Variants in NLGN1 observed in about 807,000 individuals in gnomAD.
NLGN1 encodes the protein neuroligin 1, also known as neuroligin-1.
Under a neutral mutation model 65.5 loss-of-function variants are expected in NLGN1, and 12 were observed. The ratio of observed to expected loss-of-function variants is 0.18; its 90% confidence interval spans 0.12 to 0.30. The LOEUF (loss-of-function observed/expected upper bound fraction) is 0.30. Among genes scored for constraint, NLGN1 ranks in the 10% least tolerant of loss-of-function variants. The pLI, the probability that NLGN1 is intolerant of heterozygous loss-of-function variation, is 1.00. For missense variants in NLGN1, 750 were observed against 1,007.1 expected (o/e 0.74, Z 3.46); for synonymous variants, 350 against 359.5 (o/e 0.97, Z 0.30).
chr3:173,697,688 C>T (rs946597317), intron 3 of NLGN1, among the ~76,000 whole-genome samples: 4 of 152,064 alleles, frequency 2.6e-5, no homozygotes, highest in East Asian at 1.9e-4. Flanking sequence ...CCACCAAGCC[C>T]GGCTAATTTT....
intron 4 of NLGN1, among the ~76,000 whole-genome samples, chr3:174,081,880 A>G (rs1309369143): frequency 6.6e-6 from 1 of 152,038 alleles, no homozygotes; most frequent in Non-Finnish European, 1.5e-5. Context: ...CTAGGTTTTC[A>G]ACATATGAAT....
intron 4 of NLGN1, among the ~76,000 whole-genome samples, chr3:174,163,759 G>T (rs1233445189): frequency 3.3e-5 from 5 of 151,994 alleles, no homozygotes; most frequent in Non-Finnish European, 7.4e-5. Flanking sequence ...CAAAGGAAAT[G>T]ATTTTGTTCT....
In NLGN1 at chr3:173,629,786, TA is replaced by T. The variant is rs898162581; in HGVS notation, c.493+24703del. ...TATAAATGTATATCTCTCCATTGCT[TA>T]AAAAAAAGAGACACGACTGTGTTAA... is the stretch of plus-strand genomic sequence containing the variant. On this transcript the variant is annotated intron_variant, in intron 3 of 6. Transcript: ENST00000457714. Among the ~76,000 whole-genome samples, 6 of 151,530 alleles carry T rather than the reference TA, an allele frequency of 4.0e-5. No individual in the cohort carries two copies. In the South Asian group the frequency reaches 1.1e-3, roughly 27 times the overall value.
intron 2 of NLGN1, among the ~76,000 whole-genome samples, chr3:173,492,964 C>G (rs1263320491): frequency 6.6e-6 from 1 of 151,728 alleles, no homozygotes; most frequent in Non-Finnish European, 1.5e-5. Context: ...AGTCTATCCT[C>G]TAGCTCCAGG....
intron 4 of NLGN1, among the ~76,000 whole-genome samples, chr3:173,863,175 C>T (rs1463939083): frequency 6.6e-6 from 1 of 151,170 alleles, no homozygotes; most frequent in Admixed American, 6.6e-5. Flanking sequence ...TTAAAAATTA[C>T]CTATTTGTAT....
intron 3 of NLGN1, among the ~76,000 whole-genome samples, chr3:173,702,336 A>T (rs985632644): frequency 9.2e-5 from 14 of 152,146 alleles, no homozygotes; most frequent in African/African-American, 3.4e-4. Flanking sequence ...GAGTTACTTC[A>T]CGACAAGAAT....
At chr3:174,040,205 C>T (rs1430526584) in intron 4 of NLGN1, among the ~76,000 whole-genome samples, 1 of 151,858 alleles carries the variant, frequency 6.6e-6, no homozygotes, top group Non-Finnish European at 1.5e-5. Context: ...GGACTAGGGG[C>T]TAAAGAAGGC....
intron 4 of NLGN1, among the ~76,000 whole-genome samples, chr3:174,122,477 C>A (rs1203441216): frequency 6.6e-6 from 1 of 152,164 alleles, no homozygotes; most frequent in Non-Finnish European, 1.5e-5. Context: ...GAAAATCCAC[C>A]AGGATCCCTT....
intron 4 of NLGN1, among the ~76,000 whole-genome samples, chr3:173,823,105 CAT>C (rs2150546581): frequency 6.6e-6 from 1 of 152,040 alleles, no homozygotes; most frequent in South Asian, 2.1e-4. Context: ...AAGATATTCG[CAT>C]ATAATTTTTA....
At chr3:174,246,464 G>T (rs1743813949) in intron 4 of NLGN1, among the ~76,000 whole-genome samples, 1 of 152,108 alleles carries the variant, frequency 6.6e-6, no homozygotes, top group Non-Finnish European at 1.5e-5. Context: ...CTGTCACTTA[G>T]GCTGGAATGC....
chr3:174,050,792 G>C (rs1035327746), intron 4 of NLGN1, among the ~76,000 whole-genome samples: 1 of 151,930 alleles, frequency 6.6e-6, no homozygotes, highest in Non-Finnish European at 1.5e-5. Flanking sequence ...GTGAACATAT[G>C]AGTGTTGAAG....
At chr3:173,639,452 G>C (rs1218754631) in intron 3 of NLGN1, among the ~76,000 whole-genome samples, 1 of 152,152 alleles carries the variant, frequency 6.6e-6, no homozygotes, top group African/African-American at 2.4e-5. Context: ...AGCCTTCTCT[G>C]GTCTTGTGAA....
At chr3:173,826,261 G>C (rs1578644270) in intron 4 of NLGN1, among the ~76,000 whole-genome samples, 1 of 152,018 alleles carries the variant, frequency 6.6e-6, no homozygotes, top group African/African-American at 2.4e-5. Flanking sequence ...AGACTGCCTT[G>C]ATCTTAATCT....
At chr3:173,442,006 G>A (rs1560257252) in intron 2 of NLGN1, among the ~76,000 whole-genome samples, 1 of 152,254 alleles carries the variant, frequency 6.6e-6, no homozygotes, top group East Asian at 1.9e-4. Context: ...ATTGTAGGAA[G>A]TCAAGGTGTG....
chr3:173,533,942 A>C (rs1208392752), intron 2 of NLGN1, among the ~76,000 whole-genome samples: 1 of 152,166 alleles, frequency 6.6e-6, no homozygotes, highest in Non-Finnish European at 1.5e-5. Flanking sequence ...TGATCGTGCC[A>C]CTGCACTCCA....
rs115099211 is a variant in NLGN1 at position 173,580,677 on chromosome 3, C to T, written c.-320-23602C>T. Among the ~76,000 whole-genome samples, 721 of 152,028 alleles carry T rather than the reference C, an allele frequency of 4.7e-3. 6 individuals are homozygous for T. Among genetic ancestry groups the T allele is most frequent in the African/African-American group, 0.016 (658 of 41,518 alleles). ...ATTCTCAAACACCTTTCCTCTATCC[C>T]TCCTTCTCCTTTCACTTCTCCTTTT... On this transcript the variant is annotated intron_variant, in intron 2 of 6. Coordinates refer to ENST00000457714, the Ensembl canonical transcript of NLGN1.
intron 3 of NLGN1, among the ~76,000 whole-genome samples, chr3:173,762,892 T>C (rs749508686): frequency 6.6e-6 from 1 of 151,642 alleles, no homozygotes; most frequent in Non-Finnish European, 1.5e-5. Context: ...AATCGTATGA[T>C]ACTTTAGGGC....
At chr3:173,749,241 A>C (rs980221375) in intron 3 of NLGN1, among the ~76,000 whole-genome samples, 19 of 152,060 alleles carry the variant, frequency 1.2e-4, no homozygotes, top group African/African-American at 3.6e-4. Context: ...CACAGTTTAA[A>C]ATAACAAGAT....
intron 4 of NLGN1, among the ~76,000 whole-genome samples, chr3:173,968,230 C>A (rs1054779650): frequency 5.3e-5 from 8 of 152,128 alleles, no homozygotes; most frequent in African/African-American, 1.7e-4. Context: ...AACACCTGAT[C>A]TTGTTTAGTT....
Sources: gnomAD v4.1 joint callset for allele counts (sites outside exome capture counted in the v4.1 genomes callset) on GRCh38, gnomAD v4.1.1 for gene constraint, MANE v1.5 for transcripts, NCBI Gene and HGNC (gene_info 2026-07-23, HGNC 2026-07-21) for gene names.